CD207: variants seen among roughly 807,000 people sequenced by gnomAD.
CD207 encodes the protein C-type lectin domain family 4 member K.
CD207 carries 28 observed loss-of-function variants against 31.6 expected under a neutral mutation model. The ratio of observed to expected loss-of-function variants is 0.89; its 90% CI spans 0.66 to 1.21. The LOEUF is 1.21. CD207 is among the 50% of genes most tolerant of loss of function. The probability of loss-of-function intolerance (pLI) is 0.00; values close to 1 mark genes in which losing one functional copy is unlikely to be tolerated. For missense variants in CD207, 388 were observed against 397.8 expected (o/e 0.98, Z 0.21); for synonymous variants, 168 against 153.9 (o/e 1.09, Z -0.68).
At chr2:70,825,269 C>A (rs1417825332), downstream of CD207, among the ~76,000 whole-genome samples, 7 of 152,104 alleles carry the variant, frequency 4.6e-5, no homozygotes, top group African/African-American at 9.7e-5. Context: ...AATGTCACAG[C>A]CAAGAGGATC....
downstream of CD207, among the ~76,000 whole-genome samples, chr2:70,826,643 G>T (rs549489696): frequency 7.2e-5 from 11 of 152,236 alleles, no homozygotes; most frequent in South Asian, 1.7e-3. Flanking sequence ...CTCCCAAAGG[G>T]CCTCCCAAAG....
At chr2:70,834,805 A>T (rs113780278) in intron 2 of CD207, among the ~76,000 whole-genome samples, 1,816 of 152,240 alleles carry the variant, frequency 0.012, 12 homozygotes, top group Admixed American at 0.023. Flanking sequence ...AAAAAACCCA[A>T]CAGCTTCTTG....
In CD207 at chr2:70,831,188, T is replaced by C. The variant is rs1056586247; in HGVS notation, c.849A>G (p.Pro283=). The C allele has an allele frequency of 5.0e-6, 8 of 1,613,448 alleles. No homozygotes were observed. Among genetic ancestry groups the C allele is most frequent in the Non-Finnish European group, 6.8e-6 (8 of 1,179,646 alleles). The change falls in exon 6 of 6, where the codon CCA becomes CCG. Residue 283 remains proline (P), a synonymous_variant. Transcript: ENST00000410009. ...NKVQSVRFWI[P]GEPNNAGNNE... ...TGTTCCCAGCATTGTTGGGCTCACC[T>C]GGAATCCAGAACCTACCAAGAGCGG...
chr2:70,831,038 G>T lies in CD207; in HGVS notation c.*12C>A. The T allele has an allele frequency of 4.3e-6, 7 of 1,610,590 alleles. No individual in the cohort carries two copies. Among genetic ancestry groups the T allele is most frequent in the Non-Finnish European group, 5.9e-6 (7 of 1,178,070 alleles). ...GTTGGAGCTCAAAGAGTGAGCTTGG[G>T]AGCCTGTCCTGTCACGGTTCTGATG... On this transcript the variant is annotated 3_prime_UTR_variant, in exon 6 of 6. Coordinates refer to ENST00000410009, the MANE Select transcript of CD207 (RefSeq NM_015717.5).
the CD207 span, among the ~76,000 whole-genome samples, chr2:70,824,470 A>G: frequency 6.6e-6 from 1 of 152,016 alleles, no homozygotes; most frequent in Admixed American, 6.6e-5. Flanking sequence ...ACAGCCACAC[A>G]GCCCCCAGGT....
At chr2:70,826,072 C>G (rs1677337302), downstream of CD207, among the ~76,000 whole-genome samples, 1 of 152,006 alleles carries the variant, frequency 6.6e-6, no homozygotes, top group African/African-American at 2.4e-5. Flanking sequence ...TGGTTAAACC[C>G]AGGAGTTCAA....
At chr2:70,831,503 C>G (rs940096251) in intron 5 of CD207, among the ~76,000 whole-genome samples, 198 bp downstream of exon 5, 2 of 152,178 alleles carry the variant, frequency 1.3e-5, no homozygotes, top group African/African-American at 4.8e-5. Context: ...GTTGCCAAAC[C>G]CCAGAGGGCG....
At chr2:70,828,209 G>T (rs1558625794), downstream of CD207, among the ~76,000 whole-genome samples, 1 of 152,208 alleles carries the variant, frequency 6.6e-6, no homozygotes, top group Non-Finnish European at 1.5e-5. Context: ...CAGGACTAGA[G>T]CACTATCAAT....
chr2:70,828,083 C>T (rs1427889111), downstream of CD207, among the ~76,000 whole-genome samples: 1 of 152,214 alleles, frequency 6.6e-6, no homozygotes, highest in Admixed American at 6.5e-5. Context: ...CTGTCCCTGG[C>T]TCCCAACTTT....
chr2:70,825,544 A>T (rs74183162), downstream of CD207, among the ~76,000 whole-genome samples: 88,693 of 150,602 alleles, frequency 0.59, 26,746 homozygotes, highest in Middle Eastern at 0.69. Context: ...TAAAGTTTTT[A>T]AAAAAAATTT....
At chr2:70,824,555 G>T in the CD207 span, among the ~76,000 whole-genome samples, 11 of 140,810 alleles carry the variant, frequency 7.8e-5, no homozygotes, top group African/African-American at 2.9e-4. Context: ...TAGAACTGGG[G>T]CAGGAAATAC....
chr2:70,834,267 CTG>C (rs1553400563), intron 2 of CD207, among the ~76,000 whole-genome samples: 1 of 152,072 alleles, frequency 6.6e-6, no homozygotes, highest in Non-Finnish European at 1.5e-5. Context: ...CACAGGCTCT[CTG>C]TGAAAAGATT....
downstream of CD207, among the ~76,000 whole-genome samples, chr2:70,827,639 C>CGT (rs1553399051): frequency 6.6e-6 from 1 of 151,866 alleles, no homozygotes; most frequent in Admixed American, 6.5e-5. Flanking sequence ...CACGTGTGTG[C>CGT]GCGCACACAC....
intron 4 of CD207, among the ~76,000 whole-genome samples, chr2:70,832,177 G>A (rs1421297987): frequency 6.6e-6 from 1 of 152,224 alleles, no homozygotes; most frequent in Non-Finnish European, 1.5e-5. Flanking sequence ...ACTGTGCTGA[G>A]TCGTCCATAT....
At chr2:70,831,526 G>A (rs1553399771) in intron 5 of CD207, among the ~76,000 whole-genome samples, 175 bp downstream of exon 5, 1 of 152,206 alleles carries the variant, frequency 6.6e-6, no homozygotes, top group African/African-American at 2.4e-5. Flanking sequence ...GAGGGCTCAG[G>A]TCCACAGCCA....
At chr2:70,835,321 G>A (rs1343414039) in intron 2 of CD207, among the ~76,000 whole-genome samples, 170 bp downstream of exon 2, 3 of 152,006 alleles carry the variant, frequency 2.0e-5, no homozygotes, top group South Asian at 2.1e-4. Context: ...TCAGCTCACC[G>A]TACTGGGGGC....
chr2:70,833,051 T>G lies in CD207; in HGVS notation c.566A>C (p.Asn189Thr). ...TTGAGAAACCACCTGTAGAATATCA[T>G]CTAGAGAACAAGAGGTAAAAGTGAA... is the stretch of plus-strand genomic sequence containing the variant. ...ENMSKLLKRQ[N>T]DILQVVSQGW... Residue 189 changes from asparagine to threonine, a missense_variant and splice_region_variant, in exon 4 of 6, where the codon AAT becomes ACT. By Grantham distance (65) the Asn-to-Thr change is moderately conservative. Coordinates refer to ENST00000410009, the MANE Select transcript of CD207 (RefSeq NM_015717.5). 6.2e-7 allele frequency: 1 copy of G among 1,613,876 alleles called. No individual in the cohort carries two copies. The highest frequency in any genetic ancestry group is 8.5e-7 in the Non-Finnish European group (1 of 1,179,796).
Position 70,833,026 on chromosome 2 carries a change from T to C in CD207, c.591A>G (p.Gln197=), listed in dbSNP as rs199605575. The change falls in exon 4 of 6, where the codon CAA becomes CAG. Residue 197 remains glutamine (Q), a synonymous_variant. Coordinates refer to ENST00000410009, the MANE Select transcript of CD207 (RefSeq NM_015717.5). ...AGTTCCCCTTGAAGTACTTCCAGCC[T>C]TGAGAAACCACCTGTAGAATATCAT... ...RQNDILQVVS[Q]GWKYFKGNFY... 5.0e-6 allele frequency: 8 copies of C among 1,613,790 alleles called. No individual in the cohort carries two copies. The highest frequency in any genetic ancestry group is 6.8e-6 in the Non-Finnish European group (8 of 1,179,846).
downstream of CD207, among the ~76,000 whole-genome samples, chr2:70,825,957 G>A (rs1677333919): frequency 1.3e-5 from 2 of 151,260 alleles, no homozygotes; most frequent in South Asian, 4.2e-4. Flanking sequence ...GCCAGCCTGG[G>A]CAACATAGCA....
Sources: allele counts gnomAD v4.1 joint callset (sites outside exome capture counted in the v4.1 genomes callset), GRCh38; gene constraint gnomAD v4.1.1; transcripts MANE v1.5; gene names NCBI Gene and HGNC (gene_info 2026-07-23, HGNC 2026-07-21).